LRGUK: variants seen among roughly 807,000 people sequenced by gnomAD.
The protein encoded by LRGUK is leucine rich repeats and guanylate kinase domain containing.
Under a neutral mutation model 76.0 loss-of-function variants are expected in LRGUK, and 65 were observed. That is an observed-to-expected ratio of 0.85 (90% CI 0.70 to 1.05). The LOEUF is 1.05. Among genes scored for constraint, LRGUK ranks in the 50% least tolerant of loss-of-function variants. LRGUK has a pLI of 0.00. For synonymous variants in LRGUK, 268 were observed against 265.6 expected, an observed-to-expected ratio of 1.01 and a Z score of -0.09; for missense variants, 758 against 732.8, an observed-to-expected ratio of 1.03 and a Z score of -0.40.
In LRGUK at chr7:134,247,422, T is replaced by G. The variant is rs1283568149; in HGVS notation, c.1984-134T>G. 9 of 516,534 alleles carry G rather than the reference T, an allele frequency of 1.7e-5. No individual in the cohort carries two copies. In the East Asian group the frequency reaches 3.2e-4, roughly 18 times the overall value. The allele number at this position is 516,534 out of a possible 1,614,324, so 32.0% of individuals were successfully genotyped here. A position where few individuals can be genotyped will look rare whatever the true frequency, so the allele number is the denominator to read the frequency against. ...CTTTTTCCTGAGTGAATATCAATTGTTTTTTATGCCTTTTCCCCCTTTTTC... is the reference window on the plus strand; with the variant it reads ...CTTTTTCCTGAGTGAATATCAATTGGTTTTTATGCCTTTTCCCCCTTTTTC... On this transcript the variant is annotated intron_variant, in intron 16 of 19. Coordinates refer to the LRGUK transcript ENST00000285928.
chr7:134,141,273 T>G (rs1481475525), intron 3 of LRGUK, among the ~76,000 whole-genome samples: 1 of 152,212 alleles, frequency 6.6e-6, no homozygotes, highest in African/African-American at 2.4e-5. Context: ...TCAGACTGCA[T>G]CCGAATCACC....
chr7:134,143,558 G>C (rs373168352), intron 4 of LRGUK, among the ~76,000 whole-genome samples: 1 of 152,184 alleles, frequency 6.6e-6, no homozygotes, highest in Non-Finnish European at 1.5e-5. Flanking sequence ...TGTACAGCAT[G>C]ATGTTATGGG....
intron 11 of LRGUK, among the ~76,000 whole-genome samples, chr7:134,189,531 A>C (rs1445554204): frequency 6.6e-6 from 1 of 152,194 alleles, no homozygotes; most frequent in African/African-American, 2.4e-5. Flanking sequence ...TCTGCACATC[A>C]GTGGAGCCAT....
At chr7:134,178,467 CT>C (rs750734641) in intron 9 of LRGUK, 35 bp from the exon 10 acceptor site, 9 of 1,523,044 alleles carry the variant, frequency 5.9e-6, no homozygotes, top group African/African-American at 2.8e-5. Flanking sequence ...AGAAACAAAA[CT>C]TTTTTTCCCT....
intron 19 of LRGUK, among the ~76,000 whole-genome samples, chr7:134,261,862 T>C (rs1802735740): frequency 6.6e-6 from 1 of 152,146 alleles, no homozygotes; most frequent in African/African-American, 2.4e-5. Context: ...TGGGTTCCAA[T>C]AAAATTTTAT....
chr7:134,196,945 A>C lies in LRGUK; in HGVS notation c.1432-47A>C, dbSNP rs549702292. On this transcript the variant is annotated intron_variant, in intron 12 of 15. Transcript: ENST00000645682. The stretch of plus-strand genomic sequence containing the variant: ...AAATGATTTGAGTTATGTAAATTCC[A>C]TGATGGCTGCTGTTATATGAAAATC... 3.0e-6 allele frequency: 3 copies of C among 1,013,140 alleles called. No homozygotes were observed. In the Admixed American group the frequency reaches 5.8e-5, roughly 20 times the overall value. The allele number at this position is 1,013,140 out of a possible 1,614,324, so 62.8% of individuals were successfully genotyped here.
At chr7:134,186,364 T>C (rs1799979597) in intron 11 of LRGUK, among the ~76,000 whole-genome samples, 1 of 152,246 alleles carries the variant, frequency 6.6e-6, no homozygotes, top group South Asian at 2.1e-4. Flanking sequence ...TGTGATTAGT[T>C]GATTTAATGT....
chr7:134,189,427 T>C (rs1430776620), intron 11 of LRGUK, among the ~76,000 whole-genome samples: 1 of 152,218 alleles, frequency 6.6e-6, no homozygotes, highest in Non-Finnish European at 1.5e-5. Context: ...CATTTCTATA[T>C]GTGAAAATTG....
chr7:134,226,484 G>C (rs1801768181), intron 16 of LRGUK, among the ~76,000 whole-genome samples: 2 of 152,156 alleles, frequency 1.3e-5, no homozygotes, highest in Non-Finnish European at 2.9e-5. Context: ...TGTGTCTTAA[G>C]GAAACCAGTC....
chr7:134,167,940 T>A (rs566513452), intron 7 of LRGUK, among the ~76,000 whole-genome samples: 1 of 152,338 alleles, frequency 6.6e-6, no homozygotes, highest in South Asian at 2.1e-4. Context: ...TCATATTGCA[T>A]ATTCTAGTTT....
chr7:134,220,351 C>A (rs1801556450), intron 15 of LRGUK, among the ~76,000 whole-genome samples: 1 of 152,130 alleles, frequency 6.6e-6, no homozygotes. Flanking sequence ...TTTTACTTGT[C>A]TGCAACAACT....
In LRGUK at chr7:134,228,063, A is replaced by G. The variant is rs145802489; in HGVS notation, c.1983+6145A>G. Among the ~76,000 whole-genome samples the G allele has an allele frequency of 5.4e-4, 83 of 152,312 alleles. No homozygotes were observed. The East Asian group carries it at 0.015, about 28-fold the overall frequency. ...TTAGACACATATTTGTTTTGAAATC[A>G]TATTGTACTAAAATTAAAAACAAAG... On this transcript the variant is annotated intron_variant, in intron 16 of 19. Coordinates refer to the LRGUK transcript ENST00000285928.
downstream of LRGUK, among the ~76,000 whole-genome samples, chr7:134,265,777 T>C (rs948443142): frequency 2.0e-5 from 3 of 152,124 alleles, no homozygotes; most frequent in African/African-American, 4.8e-5. Context: ...CACAATGTCA[T>C]TGAAAGCCAC....
chr7:134,163,012 T>C (rs567624114), intron 6 of LRGUK, among the ~76,000 whole-genome samples: 1 of 152,264 alleles, frequency 6.6e-6, no homozygotes, highest in Non-Finnish European at 1.5e-5. Flanking sequence ...AAGTGGCTTC[T>C]TGTGATGATG....
At chr7:134,247,348 A>T (rs866398458) in intron 16 of LRGUK, among the ~76,000 whole-genome samples, 16 of 152,320 alleles carry the variant, frequency 1.1e-4, no homozygotes, top group East Asian at 7.7e-4. Context: ...ATATTATATT[A>T]CAGTCTTTAT....
intron 15 of LRGUK, among the ~76,000 whole-genome samples, chr7:134,220,083 G>A (rs1231242028): frequency 6.6e-6 from 1 of 152,082 alleles, no homozygotes; most frequent in Non-Finnish European, 1.5e-5. Context: ...AGCACCAGTC[G>A]GCACGTAGCA....
At chr7:134,149,498 G>C (rs1221357776) in intron 5 of LRGUK, among the ~76,000 whole-genome samples, 1 of 152,136 alleles carries the variant, frequency 6.6e-6, no homozygotes, top group Non-Finnish European at 1.5e-5. Flanking sequence ...GATGTATCTT[G>C]TAAAAGAAAA....
intron 16 of LRGUK, among the ~76,000 whole-genome samples, chr7:134,222,281 G>A (rs1226123271): frequency 6.6e-6 from 1 of 152,208 alleles, no homozygotes; most frequent in African/African-American, 2.4e-5. Context: ...TTCTTGGGCT[G>A]AGCCTGAAAA....
intron 16 of LRGUK, among the ~76,000 whole-genome samples, chr7:134,242,132 C>A (rs1477466356): frequency 6.6e-6 from 1 of 152,084 alleles, no homozygotes; most frequent in East Asian, 1.9e-4. Flanking sequence ...CCTAACATCA[C>A]AATTAAAAGA....
Sources: allele counts gnomAD v4.1 joint callset (sites outside exome capture counted in the v4.1 genomes callset), GRCh38; gene constraint gnomAD v4.1.1; transcripts MANE v1.5; gene names NCBI Gene and HGNC (gene_info 2026-07-23, HGNC 2026-07-21).